SMIM7: variants seen among roughly 807,000 people sequenced by gnomAD.
SMIM7 encodes small integral membrane protein 7.
In SMIM7, 12 loss-of-function variants were observed where a neutral mutation model predicts 13.3. The observed-to-expected ratio is 0.90, with a 90% CI of 0.58 to 1.46. The LOEUF is 1.46. Among genes scored for constraint, SMIM7 ranks in the 40% most tolerant of loss-of-function variants. SMIM7 has a pLI of 0.00. For missense variants in SMIM7, 114 were observed against 94.8 expected, an observed-to-expected ratio of 1.20 and a Z score of -0.84; for synonymous variants, 36 against 35.8, an observed-to-expected ratio of 1.01 and a Z score of -0.02.
intron 4 of SMIM7, among the ~76,000 whole-genome samples, chr19:16,648,260 C>T (rs775858677): frequency 3.9e-5 from 6 of 152,134 alleles, no homozygotes; most frequent in Non-Finnish European, 8.8e-5. Context: ...CATGCCTCAG[C>T]CTCCCGAGTA....
At chr19:16,639,009 G>C (rs1046518829) in intron 4 of SMIM7, 1 of 151,754 alleles carries the variant, frequency 6.6e-6, no homozygotes, top group East Asian at 1.9e-4. Flanking sequence ...CATTTCCACA[G>C]TTCCCTTGGC....
At chr19:16,650,724 A>AG (rs995674271) in intron 4 of SMIM7, among the ~76,000 whole-genome samples, 19 of 151,646 alleles carry the variant, frequency 1.3e-4, no homozygotes, top group African/African-American at 3.2e-4. Context: ...AAAAAAAAAA[A>AG]AAGAAGAAAT....
intron 4 of SMIM7, among the ~76,000 whole-genome samples, chr19:16,631,955 C>T (rs531554461): frequency 6.6e-5 from 10 of 151,852 alleles, no homozygotes; most frequent in South Asian, 2.1e-4. Context: ...CTGCAATCTC[C>T]GCCTTTCAGG....
At chr19:16,644,368 C>T (rs981763841), downstream of SMIM7, among the ~76,000 whole-genome samples, 2 of 151,576 alleles carry the variant, frequency 1.3e-5, no homozygotes, top group Admixed American at 6.6e-5. Context: ...GTGACCTGCC[C>T]ACTTTGGCCT....
At chr19:16,655,522 A>G (rs1416852615) in intron 3 of SMIM7, among the ~76,000 whole-genome samples, 1 of 151,820 alleles carries the variant, frequency 6.6e-6, no homozygotes, top group East Asian at 1.9e-4. Flanking sequence ...CTCTACTAAA[A>G]ATACAAAAGT....
intron 4 of SMIM7, among the ~76,000 whole-genome samples, chr19:16,637,866 A>T (rs2122493282): frequency 6.6e-6 from 1 of 152,344 alleles, no homozygotes; most frequent in South Asian, 2.1e-4. Context: ...CTAAATTCAT[A>T]TGCTGAAGCT....
intron 4 of SMIM7, chr19:16,652,609 G>T (rs2086541765): frequency 1.6e-6 from 2 of 1,267,872 alleles, no homozygotes; most frequent in African/African-American, 3.0e-5. Context: ...GGATACCTTG[G>T]CAACAGTCTT....
chr19:16,652,853 T>C (rs1016540563), intron 4 of SMIM7: 19 of 1,550,360 alleles, frequency 1.2e-5, no homozygotes, highest in Middle Eastern at 1.7e-4. Context: ...TCTCCCGTCG[T>C]GTCTTTTCCT....
chr19:16,646,496 C>G lies in SMIM7; in HGVS notation c.*750G>C, dbSNP rs1485266464. ...CTACTCAAAAAGCAGACTCAGAAAC[C>G]CAAGGTTTTAGAACATGGTCCCAAT... On this transcript the variant is annotated 3_prime_UTR_variant, in exon 5 of 5. Coordinates refer to ENST00000487416, the MANE Select transcript of SMIM7 (RefSeq NM_024104.4). The G allele has an allele frequency of 6.5e-6, 1 of 153,904 alleles. No homozygotes were observed. The highest frequency in any genetic ancestry group is 1.5e-5 in the Non-Finnish European group (1 of 68,204). The allele number at this position is 153,904 out of a possible 1,614,324, so 9.5% of individuals were successfully genotyped here.
chr19:16,637,114 C>T (rs1192432800), intron 4 of SMIM7, among the ~76,000 whole-genome samples: 1 of 152,206 alleles, frequency 6.6e-6, no homozygotes, highest in East Asian at 1.9e-4. Flanking sequence ...GAGACTGAAA[C>T]AGCCACACGT....
At chr19:16,654,693 T>TA (rs139487022) in intron 3 of SMIM7, among the ~76,000 whole-genome samples, 39 of 147,034 alleles carry the variant, frequency 2.7e-4, no homozygotes, top group Middle Eastern at 3.6e-3. Flanking sequence ...GTTTTTACAT[T>TA]AAAAAAAAAA....
downstream of SMIM7, chr19:16,643,931 G>T (rs193142399): frequency 3.9e-5 from 6 of 152,230 alleles, no homozygotes; most frequent in African/African-American, 1.2e-4. Flanking sequence ...ACACTGCACC[G>T]TAAGTAAAAA....
At chr19:16,652,509 C>T (rs528815640) in intron 4 of SMIM7, 95 of 1,029,302 alleles carry the variant, frequency 9.2e-5, no homozygotes, top group Non-Finnish European at 1.1e-4. Flanking sequence ...GCCGTTCCTA[C>T]AATTTCATGT....
chr19:16,639,879 C>A (rs940848675), intron 4 of SMIM7: 1 of 152,086 alleles, frequency 6.6e-6, no homozygotes, highest in Non-Finnish European at 1.5e-5. Flanking sequence ...TCTCCCCAGC[C>A]GTGCATAACT....
At chr19:16,659,248 A>C (rs1436911437) in intron 3 of SMIM7, 147 bp downstream of exon 3, 1 of 761,528 alleles carries the variant, frequency 1.3e-6, no homozygotes, top group Admixed American at 2.4e-5. Context: ...GCACCACTGC[A>C]CTCCAACCTG....
Position 16,660,003 on chromosome 19 carries a change from G to A in SMIM7, c.27-3C>T. ...CCCCGGCATTCATCAGCAACGTCCT[G>A]CAGAGGGAGAATTACAGTTACTAGG... is the stretch of plus-strand genomic sequence containing the variant. On this transcript the variant is annotated splice_polypyrimidine_tract_variant and splice_region_variant and intron_variant, in intron 1 of 4. Coordinates refer to ENST00000487416, the MANE Select transcript of SMIM7 (RefSeq NM_024104.4). The A allele has an allele frequency of 6.2e-7, 1 of 1,613,980 alleles. No homozygotes were observed. The highest frequency in any genetic ancestry group is 1.1e-5 in the South Asian group (1 of 91,032).
At chr19:16,637,369 C>A (rs1243376483) in intron 4 of SMIM7, among the ~76,000 whole-genome samples, 4 of 151,978 alleles carry the variant, frequency 2.6e-5, no homozygotes, top group African/African-American at 7.3e-5. Flanking sequence ...ATACATTAGC[C>A]AGCTGTGGTG....
chr19:16,651,691 A>G (rs919435214), intron 4 of SMIM7, among the ~76,000 whole-genome samples: 1 of 152,112 alleles, frequency 6.6e-6, no homozygotes, highest in African/African-American at 2.4e-5. Flanking sequence ...GGACCTTTGC[A>G]AAGATGAGAA....
chr19:16,656,864 A>G (rs956746900), intron 3 of SMIM7, among the ~76,000 whole-genome samples: 1 of 151,542 alleles, frequency 6.6e-6, no homozygotes, highest in African/African-American at 2.4e-5. Flanking sequence ...GTGCCACTGC[A>G]CTCCAGCCTG....
Sources: gnomAD v4.1 joint callset for allele counts (sites outside exome capture counted in the v4.1 genomes callset) on GRCh38, gnomAD v4.1.1 for gene constraint, MANE v1.5 for transcripts, NCBI Gene and HGNC (gene_info 2026-07-23, HGNC 2026-07-21) for gene names.